The following ANKS1B variants were observed in gnomAD, a reference collection of about 807,000 sequenced individuals.
ANKS1B encodes ankyrin repeat and sterile alpha motif domain containing 1B.
A neutral mutation model predicts 148.3 loss-of-function variants in ANKS1B; 36 were observed. That is an observed-to-expected ratio of 0.24 (90% CI 0.19 to 0.32). The LOEUF (loss-of-function observed/expected upper bound fraction) is 0.32. Ranked by LOEUF, ANKS1B falls within the 10% of genes least tolerant of loss-of-function variation. ANKS1B has a pLI of 1.00. For missense variants in ANKS1B, 1,157 were observed against 1,542.6 expected, an observed-to-expected ratio of 0.75 and a Z score of 4.19; for synonymous variants, 542 against 560.8, an observed-to-expected ratio of 0.97 and a Z score of 0.47.
At chr12:99,638,573 G>C (rs1192227448) in intron 9 of ANKS1B, among the ~76,000 whole-genome samples, 2 of 152,080 alleles carry the variant, frequency 1.3e-5, no homozygotes, top group Non-Finnish European at 2.9e-5. Flanking sequence ...AAGCATTCAA[G>C]AGGAAAGAGA....
At chr12:99,781,422 G>C (rs918318142) in intron 5 of ANKS1B, among the ~76,000 whole-genome samples, 2 of 152,024 alleles carry the variant, frequency 1.3e-5, no homozygotes, top group African/African-American at 4.8e-5. Flanking sequence ...AAACAAATCT[G>C]ACCTTAATTC....
At chr12:99,892,020 T>C (rs932399393) in intron 1 of ANKS1B, among the ~76,000 whole-genome samples, 18 of 152,160 alleles carry the variant, frequency 1.2e-4, no homozygotes, top group African/African-American at 3.6e-4. Flanking sequence ...GTTTGTTTGT[T>C]TGAGATGCAG....
chr12:99,740,303 G>A (rs377102224), intron 8 of ANKS1B, among the ~76,000 whole-genome samples: 6 of 148,050 alleles, frequency 4.1e-5, no homozygotes, highest in South Asian at 4.5e-4. Flanking sequence ...GAGGGAGACC[G>A]TGTCTCAAAA....
intron 15 of ANKS1B, among the ~76,000 whole-genome samples, chr12:99,115,512 A>G (rs781632234): frequency 1.2e-4 from 19 of 152,152 alleles, no homozygotes; most frequent in Non-Finnish European, 2.2e-4. Flanking sequence ...AAAAATAACT[A>G]TTGGGTACTA....
rs146781627 is a variant in ANKS1B at position 98,947,802 on chromosome 12, T to C, written c.2778+105355A>G. 2.1e-3 allele frequency among the ~76,000 whole-genome samples: 322 copies of C among 152,324 alleles called. 8 individuals are homozygous for C. The East Asian group carries it at 0.055, about 26-fold the overall frequency. On this transcript the variant is annotated intron_variant, in intron 17 of 26. Transcript: ENST00000683438. ...TCCTTGTTGTGATGTGGTTTTCCTG[T>C]GTCTTCTGCTGCTAGATGTGATGAC... is the stretch of plus-strand genomic sequence containing the variant.
chr12:99,434,606 A>G (rs767922861), intron 11 of ANKS1B, among the ~76,000 whole-genome samples: 1 of 152,118 alleles, frequency 6.6e-6, no homozygotes, highest in Non-Finnish European at 1.5e-5. Context: ...TTAGCCACTC[A>G]TGTGATTTGA....
chr12:99,917,171 C>T (rs538811726), intron 1 of ANKS1B, among the ~76,000 whole-genome samples: 1 of 152,122 alleles, frequency 6.6e-6, no homozygotes, highest in Non-Finnish European at 1.5e-5. Context: ...TGATCAGATG[C>T]CTGGAAGAAG....
rs550161330 is a variant in ANKS1B, at chr12:98,995,726, C to A, written c.2778+57431G>T. Among the ~76,000 whole-genome samples the A allele has an allele frequency of 2.0e-5, 3 of 152,220 alleles. No homozygotes were observed. In the East Asian group the frequency reaches 5.8e-4, roughly 29 times the overall value. The stretch of plus-strand genomic sequence containing the variant: ...CTTCATGGAATGAAAGGCAGTGATC[C>A]CTGCGAGGAACCATATAGTTGCCCC... On this transcript the variant is annotated intron_variant, in intron 17 of 26. Transcript: ENST00000683438.
intron 12 of ANKS1B, among the ~76,000 whole-genome samples, chr12:99,329,028 A>T (rs2087001000): frequency 6.6e-6 from 1 of 151,932 alleles, no homozygotes; most frequent in African/African-American, 2.4e-5. Context: ...GGCAACTGAA[A>T]ATATCAAAAA....
Position 98,816,218 on chromosome 12 carries a change from C to T in ANKS1B, c.3067-8300G>A, listed in dbSNP as rs574506186. Among the ~76,000 whole-genome samples the T allele has an allele frequency of 1.9e-3, 287 of 152,260 alleles. 3 individuals are homozygous for T. Among genetic ancestry groups the T allele is most frequent in the African/African-American group, 6.7e-3 (279 of 41,550 alleles). ...TGTCACTTTTTCAGAGAAGCCTTCC[C>T]TAGGCATATTACATCCAAATTAAGT... On this transcript the variant is annotated intron_variant, in intron 19 of 26. Coordinates refer to ENST00000683438, the MANE Select transcript of ANKS1B (RefSeq NM_001352186.2).
At chr12:99,852,252 A>G (rs1159096856) in intron 1 of ANKS1B, among the ~76,000 whole-genome samples, 1 of 152,216 alleles carries the variant, frequency 6.6e-6, no homozygotes, top group African/African-American at 2.4e-5. Context: ...AAAATAATGT[A>G]AGCTAACCTG....
chr12:99,334,784 C>T (rs2088428424), intron 12 of ANKS1B, among the ~76,000 whole-genome samples: 1 of 151,902 alleles, frequency 6.6e-6, no homozygotes, highest in Non-Finnish European at 1.5e-5. Context: ...TTTTTTCTTC[C>T]TTTACGTATG....
chr12:99,594,281 T>C (rs1387322869), intron 9 of ANKS1B, among the ~76,000 whole-genome samples: 1 of 152,078 alleles, frequency 6.6e-6, no homozygotes, highest in Admixed American at 6.6e-5. Context: ...TATGCAGTCA[T>C]TATGAAAAAC....
chr12:99,222,392 T>G (rs1356983332), intron 14 of ANKS1B, among the ~76,000 whole-genome samples: 1 of 152,152 alleles, frequency 6.6e-6, no homozygotes, highest in Non-Finnish European at 1.5e-5. Flanking sequence ...GGCAGGTGGA[T>G]CTCCTTGAGT....
chr12:98,963,182 T>C (rs568081097), intron 17 of ANKS1B, among the ~76,000 whole-genome samples: 45 of 152,014 alleles, frequency 3.0e-4, no homozygotes, highest in African/African-American at 9.2e-4. Context: ...TTTTTTTCCT[T>C]TCTTTTTTTT....
chr12:99,173,225 C>T (rs1317969677), intron 14 of ANKS1B, among the ~76,000 whole-genome samples: 1 of 152,144 alleles, frequency 6.6e-6, no homozygotes, highest in East Asian at 1.9e-4. Flanking sequence ...GTGATGGATG[C>T]TTATTTACCT....
intron 14 of ANKS1B, among the ~76,000 whole-genome samples, chr12:99,205,853 C>T (rs1202395277): frequency 2.0e-5 from 3 of 152,128 alleles, no homozygotes; most frequent in South Asian, 2.1e-4. Context: ...TTCCAAAATT[C>T]GTAGAGATTT....
At chr12:99,062,803 C>A (rs1008470370) in intron 16 of ANKS1B, among the ~76,000 whole-genome samples, 1 of 152,130 alleles carries the variant, frequency 6.6e-6, no homozygotes, top group Non-Finnish European at 1.5e-5. Context: ...CAGTTAAGTT[C>A]CAGGGTGCAG....
intron 9 of ANKS1B, among the ~76,000 whole-genome samples, chr12:99,597,521 A>G (rs960562834): frequency 1.3e-5 from 2 of 152,084 alleles, no homozygotes; most frequent in African/African-American, 4.8e-5. Flanking sequence ...TTTTCTTTAA[A>G]GGACATTTGC....
Sources: gnomAD v4.1 joint callset for allele counts (sites outside exome capture counted in the v4.1 genomes callset) on GRCh38, gnomAD v4.1.1 for gene constraint, MANE v1.5 for transcripts, NCBI Gene and HGNC (gene_info 2026-07-23, HGNC 2026-07-21) for gene names.